Variants in CAPS2 observed in about 807,000 individuals in gnomAD.
The protein encoded by CAPS2 is calcyphosin-2.
A neutral mutation model predicts 86.5 loss-of-function variants in CAPS2; 98 were observed. The ratio of observed to expected loss-of-function variants is 1.13; its 90% CI spans 0.96 to 1.34. The LOEUF (loss-of-function observed/expected upper bound fraction) is 1.34. Ranked by LOEUF, CAPS2 falls within the 40% of genes most tolerant of loss-of-function variation. The pLI, the probability that CAPS2 is intolerant of heterozygous loss-of-function variation, is 0.00. For missense variants in CAPS2, 729 were observed against 686.8 expected, an observed-to-expected ratio of 1.06 and a Z score of -0.69; for synonymous variants, 210 against 225.1, an observed-to-expected ratio of 0.93 and a Z score of 0.60.
At position 75,283,674 on chromosome 12, in the gene CAPS2, C is replaced by G. The variant is rs186199736; in HGVS notation, c.1515+1287G>C. Reference sequence around the variant, plus strand: ...ACTAAAAATACAAAAATTAGCCAGGCATCGTGGTGCGTGCCTATAATCCCA... The same window carrying G: ...ACTAAAAATACAAAAATTAGCCAGGGATCGTGGTGCGTGCCTATAATCCCA... On this transcript the variant is annotated intron_variant, in intron 15 of 16. Coordinates refer to ENST00000393284, the Ensembl canonical transcript of CAPS2. 1.6e-4 allele frequency among the ~76,000 whole-genome samples: 24 copies of G among 152,116 alleles called. No individual in the cohort carries two copies. In the East Asian group the frequency reaches 4.4e-3, roughly 28 times the overall value.
intron 7 of CAPS2, among the ~76,000 whole-genome samples, chr12:75,311,320 T>A (rs756494940): frequency 1.3e-5 from 2 of 152,098 alleles, no homozygotes; most frequent in Admixed American, 6.6e-5. Flanking sequence ...TGAGCATGTT[T>A]GTTGACAAGC....
At chr12:75,305,991 C>A (rs1212570751) in intron 7 of CAPS2, 2 of 1,437,826 alleles carry the variant, frequency 1.4e-6, no homozygotes, top group Non-Finnish European at 1.9e-6. Flanking sequence ...AGGGTCCTGA[C>A]AGGCCTCCTG....
At chr12:75,319,371 T>G (rs926202873) in intron 5 of CAPS2, among the ~76,000 whole-genome samples, 2 of 152,004 alleles carry the variant, frequency 1.3e-5, no homozygotes, top group Non-Finnish European at 2.9e-5. Flanking sequence ...TTCCCAAGAG[T>G]GCTGGTTGTT....
intron 1 of CAPS2, among the ~76,000 whole-genome samples, chr12:75,359,357 C>CTTTTCT (rs2043399147): frequency 3.5e-5 from 1 of 28,600 alleles, no homozygotes. Flanking sequence ...GCATTGTTGT[C>CTTTTCT]TTTTTTTTTT....
upstream of CAPS2, among the ~76,000 whole-genome samples, chr12:75,330,323 G>T (rs1252925726): frequency 6.6e-6 from 1 of 152,196 alleles, no homozygotes; most frequent in Non-Finnish European, 1.5e-5. Flanking sequence ...CAGGGAACCG[G>T]CTCCGCGGCG....
upstream of CAPS2, among the ~76,000 whole-genome samples, chr12:75,327,345 T>C (rs1033237346): frequency 7.2e-5 from 11 of 152,280 alleles, no homozygotes; most frequent in Non-Finnish European, 1.3e-4. Flanking sequence ...GAGTAAATGG[T>C]CCAATTAGTA....
At chr12:75,364,353 C>A (rs1273275273) in intron 1 of CAPS2, among the ~76,000 whole-genome samples, 1 of 152,218 alleles carries the variant, frequency 6.6e-6, no homozygotes, top group Non-Finnish European at 1.5e-5. Context: ...ACATTCTCCC[C>A]CTTCTGGCCA....
At chr12:75,354,825 G>A (rs1022218967) in intron 1 of CAPS2, among the ~76,000 whole-genome samples, 9 of 151,894 alleles carry the variant, frequency 5.9e-5, no homozygotes, top group South Asian at 2.1e-4. Flanking sequence ...AAATAAGACC[G>A]CACATCTATA....
chr12:75,341,678 T>G (rs949307218), intron 1 of CAPS2, among the ~76,000 whole-genome samples: 1 of 151,562 alleles, frequency 6.6e-6, no homozygotes, highest in Non-Finnish European at 1.5e-5. Context: ...GATCTCCTGA[T>G]CTCGTGATCC....
chr12:75,369,406 A>G (rs904864142), intron 1 of CAPS2: 1 of 514,802 alleles, frequency 1.9e-6, no homozygotes, highest in Admixed American at 6.4e-5. Context: ...TAACCATTAT[A>G]TCCAAAGCTA....
chr12:75,286,210 T>G (rs2034843479), intron 14 of CAPS2, among the ~76,000 whole-genome samples: 1 of 151,992 alleles, frequency 6.6e-6, no homozygotes, highest in South Asian at 2.1e-4. Flanking sequence ...AATAAAACTT[T>G]AACTAGAAAA....
intron 1 of CAPS2, chr12:75,367,018 GTCTC>G: frequency 1.4e-6 from 1 of 701,346 alleles, no homozygotes. Context: ...GAGGAGGTAA[GTCTC>G]TCATTTATCT....
chr12:75,374,070 G>A (rs930492627), intron 1 of CAPS2, among the ~76,000 whole-genome samples: 7 of 152,200 alleles, frequency 4.6e-5, no homozygotes, highest in Non-Finnish European at 7.3e-5. Flanking sequence ...GCGGAAGATA[G>A]CAGGGCTTTG....
At position 75,294,308 on chromosome 12, in the gene CAPS2, C is replaced by T. The variant is rs1208070387; in HGVS notation, c.1045-941G>A. ...TTGAATATAAAGGAAGGATGTCCCT[C>T]CCCTCCATTTTCTCAGCACATTTAC... is the stretch of plus-strand genomic sequence containing the variant. On this transcript the variant is annotated intron_variant, in intron 11 of 16. Transcript: ENST00000393284. 2.0e-5 allele frequency among the ~76,000 whole-genome samples: 3 copies of T among 152,190 alleles called. No individual in the cohort carries two copies. The East Asian group carries it at 5.8e-4, about 29-fold the overall frequency.
At chr12:75,315,091 C>G (rs2039619065) in intron 6 of CAPS2, among the ~76,000 whole-genome samples, 1 of 152,008 alleles carries the variant, frequency 6.6e-6, no homozygotes, top group African/African-American at 2.4e-5. Flanking sequence ...TAAACGTTTC[C>G]TTAGGGGAAG....
intron 1 of CAPS2, chr12:75,371,074 C>T (rs1262423602): frequency 2.0e-5 from 3 of 152,232 alleles, no homozygotes; most frequent in African/African-American, 7.2e-5. Flanking sequence ...GGAGAATTGA[C>T]TCACATGATC....
chr12:75,346,786 T>C (rs2042479535), intron 1 of CAPS2, among the ~76,000 whole-genome samples: 1 of 152,204 alleles, frequency 6.6e-6, no homozygotes, highest in Non-Finnish European at 1.5e-5. Flanking sequence ...AATTGATACA[T>C]CAATTTACGA....
intron 1 of CAPS2, among the ~76,000 whole-genome samples, chr12:75,359,357 C>CTTTT (rs61616225): frequency 0.027 from 778 of 28,632 alleles, 37 homozygotes; most frequent in Non-Finnish European, 0.032. Context: ...GCATTGTTGT[C>CTTTT]TTTTTTTTTT....
intron 1 of CAPS2, among the ~76,000 whole-genome samples, chr12:75,349,668 A>G (rs573255434): frequency 6.6e-6 from 1 of 152,298 alleles, no homozygotes; most frequent in East Asian, 1.9e-4. Flanking sequence ...ATTTTTTAGA[A>G]GTTAAAATTA....
Sources: gnomAD v4.1 joint callset for allele counts (sites outside exome capture counted in the v4.1 genomes callset) on GRCh38, gnomAD v4.1.1 for gene constraint, MANE v1.5 for transcripts, NCBI Gene and HGNC (gene_info 2026-07-23, HGNC 2026-07-21) for gene names.